The following CNTN4 variants were observed in gnomAD, a reference collection of about 807,000 sequenced individuals.
CNTN4 encodes contactin 4.
Under a neutral mutation model 122.5 loss-of-function variants are expected in CNTN4, and 77 were observed. The ratio of observed to expected loss-of-function variants is 0.63; its 90% CI spans 0.52 to 0.76. The LOEUF (loss-of-function observed/expected upper bound fraction) is 0.76, where lower values mean the gene tolerates loss of function less well. CNTN4 is among the 30% of genes least tolerant of loss of function. The pLI is 0.00. For synonymous variants in CNTN4, 512 were observed against 447.0 expected, an observed-to-expected ratio of 1.15 and a Z score of -1.83; for missense variants, 1,256 against 1,259.1, an observed-to-expected ratio of 1.00 and a Z score of 0.04.
At chr3:2,366,298 A>G (rs4684345) in intron 3 of CNTN4, among the ~76,000 whole-genome samples, 91,933 of 152,118 alleles carry the variant, frequency 0.6, 29,283 homozygotes, top group African/African-American at 0.82. Flanking sequence ...AATGTTGTCA[A>G]TTTCATATAA....
At chr3:2,893,579 C>T (rs925537298) in intron 10 of CNTN4, among the ~76,000 whole-genome samples, 1 of 152,028 alleles carries the variant, frequency 6.6e-6, no homozygotes, top group African/African-American at 2.4e-5. Flanking sequence ...AAGGGGTACG[C>T]ATTAAGCAAA....
intron 4 of CNTN4, among the ~76,000 whole-genome samples, chr3:2,700,983 T>C (rs1354527429): frequency 6.6e-6 from 1 of 152,220 alleles, no homozygotes; most frequent in Non-Finnish European, 1.5e-5. Flanking sequence ...GTGGTTGAGA[T>C]GTGGGATCAG....
intron 3 of CNTN4, among the ~76,000 whole-genome samples, chr3:2,401,717 C>T (rs373426786): frequency 6.6e-6 from 1 of 151,990 alleles, no homozygotes; most frequent in Non-Finnish European, 1.5e-5. Context: ...TCAGGGATTC[C>T]GAATCTGTTG....
At chr3:2,754,876 A>G (rs572179327) in intron 6 of CNTN4, among the ~76,000 whole-genome samples, 6 of 152,310 alleles carry the variant, frequency 3.9e-5, no homozygotes, top group South Asian at 2.1e-4. Flanking sequence ...GAAAATATCA[A>G]TTGAATAAAC....
intron 3 of CNTN4, among the ~76,000 whole-genome samples, chr3:2,514,070 G>A (rs1435650567): frequency 6.6e-6 from 1 of 152,140 alleles, no homozygotes; most frequent in Non-Finnish European, 1.5e-5. Context: ...AAAGCCCTGG[G>A]GTTGAGCCAA....
At chr3:2,295,440 AT>A (rs1042716763) in intron 2 of CNTN4, among the ~76,000 whole-genome samples, 77 of 137,066 alleles carry the variant, frequency 5.6e-4, no homozygotes, top group African/African-American at 1.8e-3. Flanking sequence ...GGTGATGAGC[AT>A]TTTTTCATGT....
chr3:2,753,948 A>G (rs1298446153), intron 6 of CNTN4, among the ~76,000 whole-genome samples: 5 of 152,200 alleles, frequency 3.3e-5, no homozygotes, highest in Non-Finnish European at 1.5e-5. Context: ...ATTAATAACA[A>G]TATTTCTGCT....
At chr3:2,472,478 A>G (rs1031006009) in intron 3 of CNTN4, among the ~76,000 whole-genome samples, 1 of 152,118 alleles carries the variant, frequency 6.6e-6, no homozygotes, top group Non-Finnish European at 1.5e-5. Flanking sequence ...GCCTCATGTG[A>G]TCCACCTGCC....
intron 3 of CNTN4, among the ~76,000 whole-genome samples, chr3:2,463,572 C>A (rs2075392648): frequency 6.6e-6 from 1 of 152,056 alleles, no homozygotes; most frequent in Non-Finnish European, 1.5e-5. Flanking sequence ...CCAGCCTGGG[C>A]AACATGGTGA....
intron 4 of CNTN4, among the ~76,000 whole-genome samples, chr3:2,674,793 AAC>A (rs1482318996): frequency 4.6e-4 from 69 of 149,002 alleles, no homozygotes; most frequent in African/African-American, 7.8e-4. Flanking sequence ...AAAAAAAAAA[AAC>A]CATTAACTGT....
chr3:2,731,514 A>G (rs975228314), intron 4 of CNTN4, among the ~76,000 whole-genome samples: 47 of 152,220 alleles, frequency 3.1e-4, no homozygotes, highest in African/African-American at 9.6e-4. Context: ...TGTCAGATCA[A>G]TGGTCTGGAA....
intron 12 of CNTN4, among the ~76,000 whole-genome samples, chr3:2,922,943 G>A (rs1403260626): frequency 6.6e-6 from 1 of 152,130 alleles, no homozygotes; most frequent in African/African-American, 2.4e-5. Flanking sequence ...ATTAGTGAAA[G>A]ATGTTCCAGC....
chr3:2,460,382 A>C (rs1436886237), intron 3 of CNTN4, among the ~76,000 whole-genome samples: 1 of 152,122 alleles, frequency 6.6e-6, no homozygotes, highest in East Asian at 1.9e-4. Flanking sequence ...CTTATTCTGG[A>C]ACTCCCAGAC....
intron 9 of CNTN4, 142 bp downstream of exon 9, chr3:2,883,389 C>A: frequency 1.5e-6 from 1 of 685,836 alleles, no homozygotes. Flanking sequence ...GTGTATGCAT[C>A]TTGGATTCTG....
At chr3:2,628,522 A>G (rs1280721483) in intron 4 of CNTN4, among the ~76,000 whole-genome samples, 1 of 152,220 alleles carries the variant, frequency 6.6e-6, no homozygotes, top group Non-Finnish European at 1.5e-5. Context: ...GTTTTGTGCC[A>G]TCTAAGTGAC....
At chr3:2,496,236 C>T (rs75242350) in intron 3 of CNTN4, among the ~76,000 whole-genome samples, 2,250 of 152,104 alleles carry the variant, frequency 0.015, 29 homozygotes, top group South Asian at 0.064. Context: ...TGATGACGTC[C>T]GATGTGCTTA....
chr3:2,670,708 G>T (rs971774860), intron 4 of CNTN4, among the ~76,000 whole-genome samples: 1 of 152,106 alleles, frequency 6.6e-6, no homozygotes, highest in African/African-American at 2.4e-5. Context: ...TTACAATTTG[G>T]CATGTTTTTG....
In CNTN4 at chr3:2,099,980, A is replaced by G. The variant is rs1371532718; in HGVS notation, c.-226-578A>G. Among the ~76,000 whole-genome samples the G allele has an allele frequency of 3.9e-5, 6 of 152,196 alleles. No individual in the cohort carries two copies. The South Asian group carries it at 1.0e-3, about 26-fold the overall frequency. ...CAGCCAGAGAGTCGGCTGCATGGAA[A>G]CATTTCGCAGCGAAGCTCCTGCGAG... is the stretch of plus-strand genomic sequence containing the variant. On this transcript the variant is annotated intron_variant, in intron 1 of 24. Transcript: ENST00000418658.
chr3:2,945,078 G>A (rs115591140), intron 13 of CNTN4, among the ~76,000 whole-genome samples: 1,900 of 152,196 alleles, frequency 0.012, 35 homozygotes, highest in African/African-American at 0.044. Flanking sequence ...TTCAGTAAGC[G>A]ACACAGCTTT....
Sources: allele counts gnomAD v4.1 joint callset (sites outside exome capture counted in the v4.1 genomes callset), GRCh38; gene constraint gnomAD v4.1.1; transcripts MANE v1.5; gene names NCBI Gene and HGNC (gene_info 2026-07-23, HGNC 2026-07-21).